Variants in INTS6 observed in about 807,000 individuals in gnomAD.
The protein encoded by INTS6 is integrator complex subunit 6.
A neutral mutation model predicts 104.9 loss-of-function variants in INTS6; 16 were observed. The observed-to-expected ratio is 0.15, with a 90% confidence interval of 0.10 to 0.23. INTS6 has a LOEUF of 0.23. INTS6 is among the 10% of genes least tolerant of loss of function. The pLI, the probability that INTS6 is intolerant of heterozygous loss-of-function variation, is 1.00. For synonymous variants in INTS6, 324 were observed against 358.7 expected (o/e 0.90, Z 1.09); for missense variants, 584 against 1,062.8 (o/e 0.55, Z 6.26).
chr13:51,370,520 A>G (rs925687437), intron 15 of INTS6, among the ~76,000 whole-genome samples: 6 of 152,168 alleles, frequency 3.9e-5, no homozygotes, highest in African/African-American at 1.4e-4. Context: ...TCAAGAAGCC[A>G]AAGAAGAGAC....
At chr13:51,415,551 T>C (rs1956771898) in intron 4 of INTS6, among the ~76,000 whole-genome samples, 1 of 152,312 alleles carries the variant, frequency 6.6e-6, no homozygotes, top group East Asian at 1.9e-4. Context: ...AAGCTCTCTC[T>C]CTTTGCCTGC....
intron 4 of INTS6, among the ~76,000 whole-genome samples, chr13:51,396,162 G>C (rs1459600183): frequency 6.6e-6 from 1 of 152,122 alleles, no homozygotes; most frequent in African/African-American, 2.4e-5. Context: ...TGTGTCCAGA[G>C]TCAGTACTTT....
At chr13:51,374,991 CTAAACAAAACAAAAA>C (rs1308536982) in intron 13 of INTS6, among the ~76,000 whole-genome samples, 195 bp from the exon 14 acceptor site, 2 of 152,056 alleles carry the variant, frequency 1.3e-5, no homozygotes, top group African/African-American at 4.8e-5. Flanking sequence ...ATCTCATCAT[CTAAACAAAACAAAAA>C]TTGCCATTAA....
At chr13:51,439,620 C>T (rs972649070) in intron 3 of INTS6, 3 of 152,142 alleles carry the variant, frequency 2.0e-5, no homozygotes, top group African/African-American at 7.2e-5. Flanking sequence ...AGGAGAGCAC[C>T]TCCCCTAAAC....
At chr13:51,389,947 G>A (rs1956214549) in intron 5 of INTS6, among the ~76,000 whole-genome samples, 1 of 152,000 alleles carries the variant, frequency 6.6e-6, no homozygotes, top group Non-Finnish European at 1.5e-5. Context: ...CAGTTTTTAA[G>A]TATTTTAAAT....
At chr13:51,443,265 A>G (rs1233932215) in intron 3 of INTS6, 6 of 152,158 alleles carry the variant, frequency 3.9e-5, no homozygotes, top group Admixed American at 3.3e-4. Flanking sequence ...TAAACTTCTA[A>G]AATCACTTCC....
intron 3 of INTS6, among the ~76,000 whole-genome samples, chr13:51,354,496 C>A (rs1455682626): frequency 6.6e-6 from 1 of 151,806 alleles, no homozygotes; most frequent in African/African-American, 2.4e-5. Context: ...TGGGGCACAC[C>A]TGCAGTCCCA....
chr13:51,421,343 A>G, intron 4 of INTS6: 2 of 964,876 alleles, frequency 2.1e-6, no homozygotes, highest in Non-Finnish European at 2.5e-6. Context: ...AGCTGAAAGG[A>G]AAAAAAACAT....
At chr13:51,420,277 C>A (rs1956870669) in intron 4 of INTS6, among the ~76,000 whole-genome samples, 1 of 149,270 alleles carries the variant, frequency 6.7e-6, no homozygotes. Flanking sequence ...AATGTGCATA[C>A]ACTGGGAATG....
intron 6 of INTS6, among the ~76,000 whole-genome samples, chr13:51,388,389 GT>G (rs1956181492): frequency 6.7e-6 from 1 of 149,848 alleles, no homozygotes; most frequent in African/African-American, 2.5e-5. Flanking sequence ...TTTTGTTTTT[GT>G]TTTTGTTTTT....
At chr13:51,416,903 TTTA>T (rs1438262141) in intron 4 of INTS6, among the ~76,000 whole-genome samples, 2 of 152,216 alleles carry the variant, frequency 1.3e-5, no homozygotes, top group African/African-American at 2.4e-5. Flanking sequence ...GTCCATCTTT[TTTA>T]TTATATGTCA....
intron 4 of INTS6, among the ~76,000 whole-genome samples, chr13:51,412,487 T>C (rs1956705967): frequency 6.6e-6 from 1 of 152,168 alleles, no homozygotes; most frequent in African/African-American, 2.4e-5. Context: ...CAGGTGAGAA[T>C]TCTCATTCTG....
rs1953091342 is a variant in INTS6 at position 51,452,720 on chromosome 13, G to A, written c.-195C>T. ...GTTGAGAGGAAACTCCCCAGACCCA[G>A]TGCTCCCCGTCGTACCCCCGCCTCC... On this transcript the variant is annotated 5_prime_UTR_variant, in exon 1 of 18. Coordinates refer to ENST00000311234, the MANE Select transcript of INTS6 (RefSeq NM_012141.3). The surrounding 1 kb of genome is among the most constrained non-coding windows in gnomAD (Gnocchi z 4.2). The A allele has an allele frequency of 1.6e-6, 2 of 1,286,462 alleles. No individual in the cohort carries two copies. Among genetic ancestry groups the A allele is most frequent in the Non-Finnish European group, 2.0e-6 (2 of 1,015,244 alleles). 79.7% of individuals were successfully genotyped at this position (1,286,462 alleles called of 1,614,324 possible).
At chr13:51,449,647 C>G (rs1425531583) in intron 3 of INTS6, 1 of 985,112 alleles carries the variant, frequency 1.0e-6, no homozygotes, top group Non-Finnish European at 1.2e-6. Context: ...TTAAATATCT[C>G]TTTGAACTCA....
intron 3 of INTS6, among the ~76,000 whole-genome samples, chr13:51,434,620 T>C (rs980651995): frequency 1.3e-5 from 2 of 152,112 alleles, no homozygotes; most frequent in Non-Finnish European, 2.9e-5. Flanking sequence ...TTTTATTATT[T>C]CTTCAGGAAA....
At chr13:51,375,741 G>A (rs1020095199) in intron 13 of INTS6, among the ~76,000 whole-genome samples, 30 of 144,648 alleles carry the variant, frequency 2.1e-4, no homozygotes, top group African/African-American at 7.9e-4. Context: ...GTGGGTGTGT[G>A]TGTGTGTGTG....
At chr13:51,391,401 GAA>G (rs891826987) in intron 5 of INTS6, among the ~76,000 whole-genome samples, 4 of 151,980 alleles carry the variant, frequency 2.6e-5, no homozygotes, top group Non-Finnish European at 4.4e-5. Context: ...AAAAATTGGA[GAA>G]AAAGAATAAA....
At chr13:51,402,266 T>C (rs982494851) in intron 4 of INTS6, among the ~76,000 whole-genome samples, 1 of 152,200 alleles carries the variant, frequency 6.6e-6, no homozygotes, top group Admixed American at 6.5e-5. Context: ...ACTATTATTA[T>C]CCCCTTTTCA....
chr13:51,346,503 AAC>A, the INTS6 span, among the ~76,000 whole-genome samples: 1,293 of 152,348 alleles, frequency 8.5e-3, 16 homozygotes, highest in African/African-American at 0.029. Context: ...GCTGGTTATA[AAC>A]ACATATCAAT....
Sources: allele counts gnomAD v4.1 joint callset (sites outside exome capture counted in the v4.1 genomes callset), GRCh38; gene constraint gnomAD v4.1.1; non-coding constraint Gnocchi (gnomAD v3.1); transcripts MANE v1.5; gene names NCBI Gene and HGNC (gene_info 2026-07-23, HGNC 2026-07-21).